ATP8A1: variants seen among roughly 807,000 people sequenced by gnomAD.
ATP8A1 encodes the protein ATPase phospholipid transporting 8A1.
ATP8A1 carries 90 observed loss-of-function variants against 177.7 expected under a neutral mutation model. The observed-to-expected ratio is 0.51, with a 90% confidence interval of 0.43 to 0.60. The LOEUF (loss-of-function observed/expected upper bound fraction) is 0.60, where lower values mean the gene tolerates loss of function less well. ATP8A1 is among the 20% of genes least tolerant of loss of function. The pLI is 0.00. For missense variants in ATP8A1, 1,072 were observed against 1,392.8 expected (o/e 0.77, Z 3.67); for synonymous variants, 493 against 485.9 (o/e 1.01, Z -0.19).
In ATP8A1 at chr4:42,414,737, T is replaced by C. The variant is rs778911346; in HGVS notation, c.3306-19A>G. On this transcript the variant is annotated intron_variant, in intron 35 of 36. Transcript: ENST00000381668. ...GGTCAGGCTGCAGAGCAGGTGCAAA[T>C]GTGTGAAATGAATTATCAACTCGGC... 1.1e-5 allele frequency: 18 copies of C among 1,602,334 alleles called. No individual in the cohort carries two copies. Among genetic ancestry groups the C allele is most frequent in the Middle Eastern group, 3.3e-4 (2 of 6,062 alleles).
intron 25 of ATP8A1, among the ~76,000 whole-genome samples, chr4:42,476,986 C>T (rs1449336550): frequency 6.6e-6 from 1 of 152,182 alleles, no homozygotes; most frequent in African/African-American, 2.4e-5. Context: ...TCAATTATTA[C>T]CATTCACACA....
intron 1 of ATP8A1, among the ~76,000 whole-genome samples, chr4:42,650,293 T>C (rs941546615): frequency 2.6e-5 from 4 of 152,236 alleles, no homozygotes; most frequent in Admixed American, 6.5e-5. Context: ...TTTCAAATAT[T>C]GATGACATGC....
chr4:42,555,139 AATCT>A (rs1553903247), intron 16 of ATP8A1, among the ~76,000 whole-genome samples: 2,119 of 58,922 alleles, frequency 0.036, 36 homozygotes, highest in Middle Eastern at 0.073. Flanking sequence ...CTATCTATCT[AATCT>A]ATCTATCTAT....
chr4:42,446,573 C>A lies in ATP8A1; in HGVS notation c.2958+10G>T. 1.2e-6 allele frequency: 2 copies of A among 1,612,688 alleles called. No homozygotes were observed. The highest frequency in any genetic ancestry group is 1.7e-6 in the Non-Finnish European group (2 of 1,178,936). On this transcript the variant is annotated intron_variant, in intron 31 of 36. Coordinates refer to ENST00000381668, the MANE Select transcript of ATP8A1 (RefSeq NM_006095.2). ...TTTACACGCAAACGAGACCGACATCCCGCACTCACAGTGTACACAAAGTTT... is the reference window on the plus strand; with the variant it reads ...TTTACACGCAAACGAGACCGACATCACGCACTCACAGTGTACACAAAGTTT...
At chr4:42,559,631 T>C (rs1008139937) in intron 15 of ATP8A1, among the ~76,000 whole-genome samples, 1 of 152,264 alleles carries the variant, frequency 6.6e-6, no homozygotes, top group Non-Finnish European at 1.5e-5. Flanking sequence ...ATTGTTTAAC[T>C]GGTATAAAAT....
intron 6 of ATP8A1, among the ~76,000 whole-genome samples, chr4:42,597,204 G>C (rs906878607): frequency 2.0e-5 from 3 of 152,122 alleles, no homozygotes; most frequent in African/African-American, 7.2e-5. Flanking sequence ...CTGAAGTAAA[G>C]CCCATTTACA....
intron 1 of ATP8A1, among the ~76,000 whole-genome samples, chr4:42,647,621 ATC>A (rs1442752354): frequency 6.6e-6 from 1 of 151,608 alleles, no homozygotes; most frequent in Non-Finnish European, 1.5e-5. Flanking sequence ...TTCATTTAAC[ATC>A]TCTTTTTACA....
chr4:42,526,085 T>C (rs1013396272), intron 20 of ATP8A1, among the ~76,000 whole-genome samples: 8 of 152,140 alleles, frequency 5.3e-5, no homozygotes, highest in Admixed American at 5.2e-4. Context: ...ACTAAGAAAA[T>C]ATTTGAAAAC....
intron 27 of ATP8A1, chr4:42,459,470 G>A (rs1289729807): frequency 1.1e-5 from 3 of 279,460 alleles, no homozygotes; most frequent in East Asian, 1.2e-4. Context: ...TTAAATTCCT[G>A]GTATCTTGAT....
At position 42,493,194 on chromosome 4, in the gene ATP8A1, T is replaced by C. The variant is rs557644614; in HGVS notation, c.2152-7526A>G. Among the ~76,000 whole-genome samples the C allele has an allele frequency of 6.0e-4, 92 of 152,198 alleles. 2 individuals are homozygous for C. In the South Asian group the frequency reaches 0.019, roughly 31 times the overall value. On this transcript the variant is annotated intron_variant, in intron 24 of 36. Transcript: ENST00000381668. ...TCTGGACACTGATAACATTTGAAAATAAAATGACGTCACACTGTAAAGAAC... is the reference window on the plus strand; with the variant it reads ...TCTGGACACTGATAACATTTGAAAACAAAATGACGTCACACTGTAAAGAAC...
At chr4:42,445,917 TAAAAATAC>T (rs1717165609) in intron 31 of ATP8A1, among the ~76,000 whole-genome samples, 1 of 151,452 alleles carries the variant, frequency 6.6e-6, no homozygotes, top group East Asian at 1.9e-4. Context: ...TTGTCTCTAC[TAAAAATAC>T]AAAAATTAGC....
At chr4:42,485,833 G>A (rs1722140317) in intron 24 of ATP8A1, among the ~76,000 whole-genome samples, 165 bp from the exon 25 acceptor site, 2 of 152,100 alleles carry the variant, frequency 1.3e-5, no homozygotes, top group East Asian at 1.9e-4. Flanking sequence ...AGCCCCTCAG[G>A]AGCCTGCACA....
At chr4:42,455,950 C>T (rs1718436531) in intron 27 of ATP8A1, among the ~76,000 whole-genome samples, 1 of 152,038 alleles carries the variant, frequency 6.6e-6, no homozygotes, top group South Asian at 2.1e-4. Flanking sequence ...TTTAAAATAT[C>T]AGGATTGTAG....
intron 12 of ATP8A1, among the ~76,000 whole-genome samples, chr4:42,576,364 T>C (rs1185523426): frequency 6.7e-6 from 1 of 149,668 alleles, no homozygotes; most frequent in African/African-American, 2.5e-5. Flanking sequence ...CAGTCCCAGC[T>C]ACGGTGGAGG....
At chr4:42,640,749 C>T (rs1253410070) in intron 1 of ATP8A1, among the ~76,000 whole-genome samples, 1 of 152,094 alleles carries the variant, frequency 6.6e-6, no homozygotes, top group African/African-American at 2.4e-5. Flanking sequence ...CCTGGGTCAC[C>T]CTTGGACTCG....
intron 21 of ATP8A1, among the ~76,000 whole-genome samples, chr4:42,524,158 C>G (rs967472606): frequency 6.6e-6 from 1 of 152,286 alleles, no homozygotes; most frequent in East Asian, 1.9e-4. Context: ...AGACTATGTA[C>G]TGCTTTGCCT....
intron 6 of ATP8A1, chr4:42,594,180 A>G (rs1275245580): frequency 1.8e-5 from 11 of 598,384 alleles, no homozygotes; most frequent in Non-Finnish European, 3.2e-5. Context: ...ATTATTAGAG[A>G]GGTTTTAAAT....
rs147201347 is a variant in ATP8A1 at position 42,648,772 on chromosome 4, T to A, written c.49+8053A>T. Among the ~76,000 whole-genome samples the A allele has an allele frequency of 5.9e-4, 90 of 152,250 alleles. 1 individual carries two copies. The highest frequency in any genetic ancestry group is 2.0e-3 in the African/African-American group (84 of 41,564). ...TCGTTAACATATAAGTTCTTAAACTTCAATACAAAACTTGATAAACAATTC... is the reference window on the plus strand; with the variant it reads ...TCGTTAACATATAAGTTCTTAAACTACAATACAAAACTTGATAAACAATTC... On this transcript the variant is annotated intron_variant, in intron 1 of 36. Coordinates refer to ENST00000381668, the MANE Select transcript of ATP8A1 (RefSeq NM_006095.2).
At chr4:42,645,108 G>A (rs1740401905) in intron 1 of ATP8A1, among the ~76,000 whole-genome samples, 1 of 152,058 alleles carries the variant, frequency 6.6e-6, no homozygotes, top group East Asian at 1.9e-4. Context: ...TATAACACCA[G>A]CTAAAAATAA....
Sources: gnomAD v4.1 joint callset for allele counts (sites outside exome capture counted in the v4.1 genomes callset) on GRCh38, gnomAD v4.1.1 for gene constraint, MANE v1.5 for transcripts, NCBI Gene and HGNC (gene_info 2026-07-23, HGNC 2026-07-21) for gene names.